SHLD1: variants seen among roughly 807,000 people sequenced by gnomAD.
The protein encoded by SHLD1 is RINN1-REV7-interacting novel NHEJ regulator 3.
A neutral mutation model predicts 5.5 loss-of-function variants in SHLD1; 3 were observed. The ratio of observed to expected loss-of-function variants is 0.54; its 90% CI spans 0.25 to 1.40. The LOEUF is 1.40. Ranked by LOEUF, SHLD1 falls within the 40% of genes most tolerant of loss-of-function variation. SHLD1 has a pLI of 0.15. For missense variants in SHLD1, 210 were observed against 244.4 expected, an observed-to-expected ratio of 0.86 and a Z score of 0.94; for synonymous variants, 92 against 94.3, an observed-to-expected ratio of 0.98 and a Z score of 0.14.
At chr20:5,850,112 C>CAAT (rs113975793) in intron 2 of SHLD1, among the ~76,000 whole-genome samples, 26,998 of 129,922 alleles carry the variant, frequency 0.21, 3,007 homozygotes, top group African/African-American at 0.24. Flanking sequence ...GACCCCGTCT[C>CAAT]AATAATAATA....
chr20:5,762,118 G>A (rs899967925), intron 1 of SHLD1, among the ~76,000 whole-genome samples: 1 of 151,704 alleles, frequency 6.6e-6, no homozygotes, highest in Non-Finnish European at 1.5e-5. Context: ...TGGGTGTGGT[G>A]GTGGGCACCT....
chr20:5,779,097 G>A (rs1204117586), intron 2 of SHLD1, among the ~76,000 whole-genome samples: 2 of 152,046 alleles, frequency 1.3e-5, no homozygotes, highest in South Asian at 4.1e-4. Context: ...CAGCTACTGG[G>A]AGGCTGAGGC....
intron 2 of SHLD1, among the ~76,000 whole-genome samples, chr20:5,860,084 C>G (rs1397777492): frequency 6.6e-6 from 1 of 151,886 alleles, no homozygotes; most frequent in Non-Finnish European, 1.5e-5. Flanking sequence ...CCCCATTGGC[C>G]CTTCCCAGCT....
At chr20:5,768,686 A>G (rs977595388) in intron 1 of SHLD1, among the ~76,000 whole-genome samples, 2 of 152,174 alleles carry the variant, frequency 1.3e-5, no homozygotes, top group African/African-American at 2.4e-5. Context: ...AGCTTTATCT[A>G]TCTATATTTC....
intron 2 of SHLD1, among the ~76,000 whole-genome samples, chr20:5,802,236 A>G (rs1408038664): frequency 7.1e-6 from 1 of 140,480 alleles, no homozygotes; most frequent in South Asian, 2.4e-4. Flanking sequence ...CCCAGCCACC[A>G]TGCTTGCTCT....
intron 2 of SHLD1, among the ~76,000 whole-genome samples, chr20:5,861,064 T>C (rs1179065674): frequency 4.6e-5 from 7 of 152,234 alleles, no homozygotes; most frequent in Non-Finnish European, 1.0e-4. Context: ...AGGCTGGGTC[T>C]CAGGCTGCTG....
At chr20:5,814,184 G>C (rs1401964965) in intron 2 of SHLD1, among the ~76,000 whole-genome samples, 1 of 151,592 alleles carries the variant, frequency 6.6e-6, no homozygotes, top group Admixed American at 6.6e-5. Context: ...TTGAACTCCT[G>C]AGCTCAAGCG....
chr20:5,803,217 G>T (rs1446584843), intron 2 of SHLD1, among the ~76,000 whole-genome samples: 1 of 151,876 alleles, frequency 6.6e-6, no homozygotes, highest in East Asian at 1.9e-4. Flanking sequence ...CCAGGTTAGA[G>T]TATAGTGGCG....
chr20:5,784,952 G>A (rs147392588), intron 2 of SHLD1, among the ~76,000 whole-genome samples: 60 of 152,218 alleles, frequency 3.9e-4, no homozygotes, highest in Non-Finnish European at 7.2e-4. Flanking sequence ...CCACACCTCC[G>A]GGGCACTTAT....
intron 1 of SHLD1, among the ~76,000 whole-genome samples, chr20:5,760,184 T>C (rs1984379420): frequency 6.6e-6 from 1 of 151,836 alleles, no homozygotes; most frequent in South Asian, 2.1e-4. Flanking sequence ...AGAGAAGGGA[T>C]TGTTGTTGCT....
rs1171680360 is a variant in SHLD1 at position 5,806,623 on chromosome 20, G to C, written c.178+33580G>C. On this transcript the variant is annotated intron_variant, in intron 2 of 2. Transcript: ENST00000303142. This position sits in a 1 kb window ranked among gnomAD's most constrained non-coding sequence, Gnocchi z 7.6. ...AACAGAGGCCTGCAGTGTTGTCCCA[G>C]GAGCTGTTGAGGGCAGTGGCGCCTG... Among the ~76,000 whole-genome samples the C allele has an allele frequency of 6.6e-6, 1 of 152,200 alleles. No individual in the cohort carries two copies. Among genetic ancestry groups the C allele is most frequent in the Admixed American group, 6.5e-5 (1 of 15,276 alleles).
At chr20:5,792,113 C>G (rs1015400335) in intron 2 of SHLD1, among the ~76,000 whole-genome samples, 13 of 152,072 alleles carry the variant, frequency 8.5e-5, no homozygotes, top group Admixed American at 5.2e-4. Flanking sequence ...AACTTCTTAT[C>G]AGATATGTGA....
intron 2 of SHLD1, among the ~76,000 whole-genome samples, chr20:5,841,285 A>G (rs1276617817): frequency 3.9e-5 from 6 of 152,128 alleles, no homozygotes; most frequent in Non-Finnish European, 7.3e-5. Flanking sequence ...TATGTGTTAC[A>G]GTTTGGTGAA....
intron 2 of SHLD1, among the ~76,000 whole-genome samples, chr20:5,810,677 T>C (rs2087446661): frequency 6.6e-6 from 1 of 150,894 alleles, no homozygotes. Flanking sequence ...GCAGATCACT[T>C]GAGATCAAGA....
At chr20:5,788,360 A>G (rs753641939) in intron 2 of SHLD1, among the ~76,000 whole-genome samples, 3 of 152,244 alleles carry the variant, frequency 2.0e-5, no homozygotes, top group Non-Finnish European at 4.4e-5. Flanking sequence ...AAAATGCAGT[A>G]TAAATAAGAT....
At chr20:5,808,148 C>T (rs1175234347) in intron 2 of SHLD1, among the ~76,000 whole-genome samples, 2 of 152,126 alleles carry the variant, frequency 1.3e-5, no homozygotes, top group South Asian at 4.2e-4. Context: ...GGCATGGTGG[C>T]ACACACCTGT....
chr20:5,756,478 T>C (rs992959153), intron 1 of SHLD1, among the ~76,000 whole-genome samples: 1 of 152,148 alleles, frequency 6.6e-6, no homozygotes, highest in Non-Finnish European at 1.5e-5. Context: ...ACATCTTACA[T>C]GTCTTTAATG....
At chr20:5,801,810 T>C (rs1043159534) in intron 2 of SHLD1, among the ~76,000 whole-genome samples, 20 of 152,094 alleles carry the variant, frequency 1.3e-4, no homozygotes, top group Non-Finnish European at 2.4e-4. Context: ...ATCCCATAGA[T>C]GGGAAAATTA....
At chr20:5,788,415 G>T (rs1330359789) in intron 2 of SHLD1, among the ~76,000 whole-genome samples, 1 of 152,230 alleles carries the variant, frequency 6.6e-6, no homozygotes, top group Admixed American at 6.5e-5. Context: ...AGTTGAGTTT[G>T]AGGAAAAATG....
Sources: allele counts gnomAD v4.1 joint callset (sites outside exome capture counted in the v4.1 genomes callset), GRCh38; gene constraint gnomAD v4.1.1; non-coding constraint Gnocchi (gnomAD v3.1); transcripts MANE v1.5; gene names NCBI Gene and HGNC (gene_info 2026-07-23, HGNC 2026-07-21).